WDR12: variants seen among roughly 807,000 people sequenced by gnomAD.
WDR12 encodes the protein ribosome biogenesis protein WDR12.
A neutral mutation model predicts 64.3 loss-of-function variants in WDR12; 42 were observed. That is an observed-to-expected ratio of 0.65 (90% CI 0.51 to 0.84). The LOEUF (loss-of-function observed/expected upper bound fraction) is 0.84, where lower values mean the gene tolerates loss of function less well. Ranked by LOEUF, WDR12 falls within the 40% of genes least tolerant of loss-of-function variation. The probability of loss-of-function intolerance (pLI) is 0.00; values close to 1 mark genes in which losing one functional copy is unlikely to be tolerated. For missense variants in WDR12, 469 were observed against 494.6 expected (o/e 0.95, Z 0.49); for synonymous variants, 158 against 173.3 (o/e 0.91, Z 0.70).
At position 202,899,046 on chromosome 2, in the gene WDR12, T is replaced by G. The variant is rs1559162633; in HGVS notation, c.338+485A>C. Among the ~76,000 whole-genome samples the G allele has an allele frequency of 4.5e-5, 6 of 131,902 alleles. No individual in the cohort carries two copies. In the East Asian group the frequency reaches 1.3e-3, roughly 28 times the overall value. 86.5% of individuals were successfully genotyped at this position (131,902 alleles called of 152,430 possible). ...AAATACCTGTGGTTTTTTTTTTTTT[T>G]TTTTTTTTTTTTTTGAGACAGAGTC... On this transcript the variant is annotated intron_variant, in intron 4 of 12. Coordinates refer to ENST00000261015, the MANE Select transcript of WDR12 (RefSeq NM_018256.4).
intron 5 of WDR12, among the ~76,000 whole-genome samples, chr2:202,896,536 T>C (rs941656848): frequency 6.6e-6 from 1 of 151,222 alleles, no homozygotes; most frequent in African/African-American, 2.4e-5. Flanking sequence ...ACTAAAAATA[T>C]AAAAATTAGC....
chr2:202,909,223 G>A (rs1208898461), intron 1 of WDR12, among the ~76,000 whole-genome samples: 2 of 152,092 alleles, frequency 1.3e-5, no homozygotes, highest in African/African-American at 4.8e-5. Context: ...ACATCCACAC[G>A]AAAACTTGTA....
In WDR12 at chr2:202,896,155, ATTCCAC is replaced by A; in HGVS notation, c.513_518del (p.Glu171_Asn173delinsAsp). The A allele has an allele frequency of 6.2e-7, 1 of 1,614,122 alleles. No homozygotes were observed. The highest frequency in any genetic ancestry group is 8.5e-7 in the Non-Finnish European group (1 of 1,180,000). ...GGGCTTTCACTTTGTTTCTCTCTAC[ATTCCAC>A]TCCCATAAGAGAATAGTCTGATCCA... On this transcript the variant is annotated inframe_deletion, in exon 6 of 13. Coordinates refer to ENST00000261015, the MANE Select transcript of WDR12 (RefSeq NM_018256.4).
chr2:202,887,752 G>T (rs2105904633), intron 8 of WDR12, among the ~76,000 whole-genome samples: 1 of 151,592 alleles, frequency 6.6e-6, no homozygotes, highest in African/African-American at 2.4e-5. Context: ...GCCGGGCGCG[G>T]TGGCGGGCGC....
At chr2:202,892,009 T>A (rs1239142205) in intron 8 of WDR12, among the ~76,000 whole-genome samples, 1 of 152,234 alleles carries the variant, frequency 6.6e-6, no homozygotes, top group Non-Finnish European at 1.5e-5. Context: ...TGGTGATGGA[T>A]GTGTTAATTA....
intron 2 of WDR12, among the ~76,000 whole-genome samples, chr2:202,906,447 GATT>G (rs1259588488): frequency 6.6e-6 from 1 of 152,102 alleles, no homozygotes; most frequent in African/African-American, 2.4e-5. Context: ...AAAATTATGT[GATT>G]ATTTGAAGAC....
Position 202,908,101 on chromosome 2 carries a change from TA to T in WDR12, c.42-143del, listed in dbSNP as rs1688496062. 33 of 739,730 alleles carry T rather than the reference TA, an allele frequency of 4.5e-5. No homozygotes were observed. In the South Asian group the frequency reaches 5.2e-4, roughly 12 times the overall value. The allele number at this position is 739,730 out of a possible 1,614,324, so 45.8% of individuals were successfully genotyped here. On this transcript the variant is annotated intron_variant, in intron 1 of 12. Transcript: ENST00000261015. ...CTACATGTTGTAAACAAAAATGAAT[TA>T]AAACATGGTCTCTGTTCTAAGATGA...
chr2:202,894,766 G>A, intron 6 of WDR12, 140 bp from the exon 7 acceptor site: 1 of 618,450 alleles, frequency 1.6e-6, no homozygotes, highest in Non-Finnish European at 2.7e-6. Flanking sequence ...TTTTCCAGGG[G>A]CAGATAGGAC....
rs2105901219 is a variant in WDR12, at chr2:202,879,234, T to C, written c.*1626A>G. 6.6e-6 allele frequency: 1 copy of C among 152,350 alleles called. No homozygotes were observed. The highest frequency in any genetic ancestry group is 1.9e-4 in the East Asian group (1 of 5,186). 9.4% of individuals were successfully genotyped at this position (152,350 alleles called of 1,614,324 possible). On this transcript the variant is annotated 3_prime_UTR_variant, in exon 13 of 13. Coordinates refer to ENST00000261015, the MANE Select transcript of WDR12 (RefSeq NM_018256.4). The stretch of plus-strand genomic sequence containing the variant: ...TTATTAGAGACGAGGTTTCACTGTG[T>C]TGCCCAGGCTGGTTTCGAACTCCTG...
intron 1 of WDR12, 87 bp downstream of exon 1, chr2:202,911,349 A>C (rs1688635872): frequency 7.4e-7 from 1 of 1,355,548 alleles, no homozygotes; most frequent in Admixed American, 1.7e-5. Flanking sequence ...GTGACAGCAG[A>C]AACAACCAGG....
chr2:202,886,869 C>T (rs1688058063), intron 8 of WDR12, among the ~76,000 whole-genome samples: 1 of 151,680 alleles, frequency 6.6e-6, no homozygotes, highest in Non-Finnish European at 1.5e-5. Flanking sequence ...AATATTGCCT[C>T]ATCTGTAATA....
chr2:202,895,517 C>CTT (rs901435872), intron 6 of WDR12, among the ~76,000 whole-genome samples: 108 of 111,454 alleles, frequency 9.7e-4, no homozygotes, highest in Non-Finnish European at 1.2e-3. Context: ...TCATTTCTTT[C>CTT]TTTTTTTTTT....
chr2:202,910,975 CA>C (rs1455001517), intron 1 of WDR12, among the ~76,000 whole-genome samples: 1 of 152,112 alleles, frequency 6.6e-6, no homozygotes, highest in Non-Finnish European at 1.5e-5. Context: ...AGAGACCAGG[CA>C]AACACAAAGA....
At chr2:202,890,996 TA>T (rs71030997) in intron 8 of WDR12, among the ~76,000 whole-genome samples, 125 of 111,164 alleles carry the variant, frequency 1.1e-3, no homozygotes, top group African/African-American at 3.8e-3. Context: ...TTTGTCTCTT[TA>T]AAAAAAAAAA....
chr2:202,906,060 G>A (rs552559872), intron 2 of WDR12, among the ~76,000 whole-genome samples: 42 of 152,260 alleles, frequency 2.8e-4, no homozygotes, highest in Middle Eastern at 3.4e-3. Flanking sequence ...AAATGCTTGA[G>A]GTGATGGATA....
At chr2:202,891,208 G>A (rs1449563117) in intron 8 of WDR12, among the ~76,000 whole-genome samples, 1 of 152,108 alleles carries the variant, frequency 6.6e-6, no homozygotes, top group African/African-American at 2.4e-5. Flanking sequence ...GTCTCACTCT[G>A]TTGCTCAGGC....
chr2:202,909,603 T>C (rs1688528268), intron 1 of WDR12, among the ~76,000 whole-genome samples: 1 of 152,146 alleles, frequency 6.6e-6, no homozygotes, highest in African/African-American at 2.4e-5. Context: ...TGCACAACTT[T>C]GCAAATATGA....
At chr2:202,898,013 T>C (rs1010926725) in intron 4 of WDR12, among the ~76,000 whole-genome samples, 4 of 149,022 alleles carry the variant, frequency 2.7e-5, no homozygotes, top group African/African-American at 9.8e-5. Context: ...GAATTTCATG[T>C]TTAGACTTGG....
rs1294215877 is a variant in WDR12, at chr2:202,896,222, G to T, written c.455-3C>A. ...CAATAATAAGCAGGACAAACTATCT[G>T]GAGAAAGGAGAACACAAGAATAAGA... On this transcript the variant is annotated splice_region_variant and splice_polypyrimidine_tract_variant and intron_variant, in intron 5 of 12. Coordinates refer to ENST00000261015, the MANE Select transcript of WDR12 (RefSeq NM_018256.4). The T allele has an allele frequency of 6.2e-7, 1 of 1,611,674 alleles. No homozygotes were observed.
Sources: allele counts gnomAD v4.1 joint callset (sites outside exome capture counted in the v4.1 genomes callset), GRCh38; gene constraint gnomAD v4.1.1; transcripts MANE v1.5; gene names NCBI Gene and HGNC (gene_info 2026-07-23, HGNC 2026-07-21).